Variants in SPG11 observed in about 807,000 individuals in gnomAD.
The protein encoded by SPG11 is spatacsin.
Under a neutral mutation model 274.0 loss-of-function variants are expected in SPG11, and 222 were observed. The observed-to-expected ratio is 0.81, with a 90% confidence interval of 0.73 to 0.91. The LOEUF (loss-of-function observed/expected upper bound fraction) is 0.91. SPG11 is among the 40% of genes least tolerant of loss of function. The probability of loss-of-function intolerance (pLI) is 0.00; values close to 1 mark genes in which losing one functional copy is unlikely to be tolerated. For missense variants in SPG11, 3,114 were observed against 2,872.7 expected, an observed-to-expected ratio of 1.08 and a Z score of -1.92; for synonymous variants, 1,144 against 1,039.7, an observed-to-expected ratio of 1.10 and a Z score of -1.93.
chr15:44,603,156 G>A (rs1365812610), intron 20 of SPG11, among the ~76,000 whole-genome samples: 1 of 150,210 alleles, frequency 6.7e-6, no homozygotes, highest in Non-Finnish European at 1.5e-5. Flanking sequence ...CTTAACTCAA[G>A]CAATCCTCTT....
chr15:44,603,192 G>A (rs561775195), intron 20 of SPG11, among the ~76,000 whole-genome samples: 16 of 151,912 alleles, frequency 1.1e-4, no homozygotes, highest in Non-Finnish European at 1.5e-5. Flanking sequence ...AGCACTGTAG[G>A]CACACACAAC....
intron 30 of SPG11, 102 bp downstream of exon 30, chr15:44,583,712 T>C (rs1009254014): frequency 5.2e-6 from 8 of 1,533,786 alleles, no homozygotes; most frequent in Non-Finnish European, 6.3e-6. Context: ...TGTTGTCCCC[T>C]TAACTTGGTA....
At chr15:44,637,501 G>C (rs1171882645) in intron 7 of SPG11, among the ~76,000 whole-genome samples, 1 of 152,118 alleles carries the variant, frequency 6.6e-6, no homozygotes, top group Non-Finnish European at 1.5e-5. Flanking sequence ...TTTTAGTAGA[G>C]ATGGGGTTTG....
At chr15:44,580,049 A>C (rs890228079) in intron 30 of SPG11, among the ~76,000 whole-genome samples, 1 of 152,242 alleles carries the variant, frequency 6.6e-6, no homozygotes, top group Non-Finnish European at 1.5e-5. Context: ...CATTAACGTT[A>C]AGAGCCCTTT....
rs777919475 is a variant in SPG11, at chr15:44,659,163, AG to A, written c.582del (p.Leu195CysfsTer8). The A allele has an allele frequency of 6.2e-7, 1 of 1,614,256 alleles. No homozygotes were observed. The highest frequency in any genetic ancestry group is 8.5e-7 in the Non-Finnish European group (1 of 1,180,046). On this transcript the variant is annotated frameshift_variant, in exon 3 of 40. Coordinates refer to ENST00000261866, the MANE Select transcript of SPG11 (RefSeq NM_025137.4). LOFTEE classifies it high-confidence loss of function. ...AIRVLNCFTL[P>X]LPAQAVDMII... ...ATCATGTCCACTGCCTGTGCAGGCA[AG>A]GGAAGTGTGAAACAGTTGAGTACTC...
chr15:44,572,582 C>T, intron 33 of SPG11, 101 bp downstream of exon 33: 2 of 1,229,478 alleles, frequency 1.6e-6, no homozygotes, highest in Admixed American at 1.7e-5. Flanking sequence ...GCTAGGCATC[C>T]AGAGCAGGAA....
intron 18 of SPG11, 71 bp from the exon 19 acceptor site, chr15:44,608,676 G>C (rs1489493659): frequency 6.2e-6 from 9 of 1,440,452 alleles, no homozygotes; most frequent in Middle Eastern, 2.4e-4. Flanking sequence ...TTTTTCACAA[G>C]AACCTTGTGA....
chr15:44,635,849 G>A (rs1394678515), intron 7 of SPG11, among the ~76,000 whole-genome samples: 10 of 151,612 alleles, frequency 6.6e-5, no homozygotes, highest in African/African-American at 2.4e-4. Context: ...CCTGGCAGGC[G>A]GATGTTACAG....
rs779674999 is a variant in SPG11, at chr15:44,622,386, A to T, written c.2317-39T>A. 3.3e-6 allele frequency: 5 copies of T among 1,496,500 alleles called. No homozygotes were observed. The South Asian group carries it at 6.1e-5, about 18-fold the overall frequency. The allele number at this position is 1,496,500 out of a possible 1,614,324, so 92.7% of individuals were successfully genotyped here. ...TAATTAAAGCAGTGACTTTACAAAA[A>T]ATCAAGCACTTTTGCAAAAAATGTC... On this transcript the variant is annotated intron_variant, in intron 12 of 39. Transcript: ENST00000261866.
At chr15:44,566,570 G>A (rs1417664399) in intron 36 of SPG11, among the ~76,000 whole-genome samples, 1 of 152,162 alleles carries the variant, frequency 6.6e-6, no homozygotes, top group Non-Finnish European at 1.5e-5. Flanking sequence ...GTGCATGTTG[G>A]TTCCTGGTGG....
chr15:44,602,087 ATTTG>A (rs1194101267), intron 20 of SPG11, among the ~76,000 whole-genome samples: 2 of 152,154 alleles, frequency 1.3e-5, no homozygotes, highest in African/African-American at 2.4e-5. Flanking sequence ...ACTTTCTTAG[ATTTG>A]TTTATTAGTT....
At chr15:44,587,720 A>AAAAAAAAAAAAAACAC (rs2082803374) in intron 28 of SPG11, among the ~76,000 whole-genome samples, 1 of 146,290 alleles carries the variant, frequency 6.8e-6, no homozygotes, top group African/African-American at 2.5e-5. Flanking sequence ...AAAAAAAAAA[A>AAAAAAAAAAAAAACAC]CGTATTCCTG....
At position 44,569,520 on chromosome 15, in the gene SPG11, G is replaced by A. The variant is rs752327194; in HGVS notation, c.6478-15C>T. 4 of 1,556,864 alleles carry A rather than the reference G, an allele frequency of 2.6e-6. No homozygotes were observed. On this transcript the variant is annotated splice_polypyrimidine_tract_variant and intron_variant, in intron 34 of 39. Transcript: ENST00000261866. ...AGGAGCCGTACCTGTGAAGTGGGAG[G>A]ACAGCTCGCATCAGCATCACCTGGA...
intron 7 of SPG11, among the ~76,000 whole-genome samples, chr15:44,633,973 G>A (rs1002488103): frequency 6.6e-6 from 1 of 151,910 alleles, no homozygotes; most frequent in African/African-American, 2.4e-5. Context: ...CAAGTAGTTC[G>A]GATTACAGGT....
chr15:44,607,917 G>C (rs576156025), intron 19 of SPG11, among the ~76,000 whole-genome samples: 1 of 152,198 alleles, frequency 6.6e-6, no homozygotes, highest in African/African-American at 2.4e-5. Flanking sequence ...GAAAACAGCA[G>C]ACAGGTATGC....
intron 30 of SPG11, among the ~76,000 whole-genome samples, chr15:44,583,277 C>T (rs1292474018): frequency 6.6e-6 from 1 of 152,106 alleles, no homozygotes; most frequent in Admixed American, 6.5e-5. Context: ...GTCAGGAGTT[C>T]GAGACCAGCC....
chr15:44,591,306 T>A (rs1466901368), intron 27 of SPG11, among the ~76,000 whole-genome samples: 3 of 152,236 alleles, frequency 2.0e-5, no homozygotes, highest in African/African-American at 7.2e-5. Context: ...TGGATTTTGA[T>A]GTTTAGAAGA....
rs1595827989 is a variant in SPG11, at chr15:44,573,442, A to C, written c.6205+105T>G. The C allele has an allele frequency of 8.1e-6, 10 of 1,236,634 alleles. No individual in the cohort carries two copies. The East Asian group carries it at 2.5e-4, about 30-fold the overall frequency. The allele number at this position is 1,236,634 out of a possible 1,614,324, so 76.6% of individuals were successfully genotyped here. A position where few individuals can be genotyped will look rare whatever the true frequency, so the allele number is the denominator to read the frequency against. ...TACATTACTGCAATCCAGAAACTTGAGAGAACCACATACAGGATGTATATA... is the reference window on the plus strand; with the variant it reads ...TACATTACTGCAATCCAGAAACTTGCGAGAACCACATACAGGATGTATATA... On this transcript the variant is annotated intron_variant, in intron 32 of 39. Transcript: ENST00000261866.
intron 4 of SPG11, among the ~76,000 whole-genome samples, chr15:44,656,666 G>A (rs950272516): frequency 1.3e-5 from 2 of 152,112 alleles, no homozygotes; most frequent in African/African-American, 2.4e-5. Flanking sequence ...TGGCTGTGGA[G>A]GTGGAAAGCT....
Sources: gnomAD v4.1 joint callset for allele counts (sites outside exome capture counted in the v4.1 genomes callset) on GRCh38, gnomAD v4.1.1 for gene constraint, MANE v1.5 for transcripts, NCBI Gene and HGNC (gene_info 2026-07-23, HGNC 2026-07-21) for gene names.